The following NOL4 variants were observed in gnomAD, a reference collection of about 807,000 sequenced individuals.
NOL4 encodes cancer/testis antigen 125.
A neutral mutation model predicts 75.9 loss-of-function variants in NOL4; 17 were observed. The observed-to-expected ratio is 0.22, with a 90% confidence interval of 0.15 to 0.34. NOL4 has a LOEUF of 0.34. NOL4 is among the 10% of genes least tolerant of loss of function. The pLI is 1.00. For missense variants in NOL4, 614 were observed against 793.5 expected, an observed-to-expected ratio of 0.77 and a Z score of 2.72; for synonymous variants, 292 against 289.9, an observed-to-expected ratio of 1.01 and a Z score of -0.07.
At chr18:34,007,862 A>C (rs985324605) in intron 6 of NOL4, among the ~76,000 whole-genome samples, 1 of 151,892 alleles carries the variant, frequency 6.6e-6, no homozygotes, top group Non-Finnish European at 1.5e-5. Context: ...ATGGTTTAAG[A>C]AGTTGCATAT....
intron 6 of NOL4, among the ~76,000 whole-genome samples, chr18:34,015,858 A>G (rs2074660225): frequency 1.3e-5 from 2 of 152,258 alleles, no homozygotes; most frequent in South Asian, 4.1e-4. Flanking sequence ...TTAGGCAACA[A>G]AGCCAAAAAT....
intron 1 of NOL4, among the ~76,000 whole-genome samples, chr18:34,150,455 C>A (rs1316788186): frequency 1.3e-5 from 2 of 151,624 alleles, no homozygotes; most frequent in Non-Finnish European, 3.0e-5. Flanking sequence ...GTCAACTGAT[C>A]TTTGACAAAG....
At chr18:33,936,114 T>C (rs750596140) in intron 9 of NOL4, among the ~76,000 whole-genome samples, 25 of 152,142 alleles carry the variant, frequency 1.6e-4, no homozygotes, top group Non-Finnish European at 3.1e-4. Flanking sequence ...AAAAGCTGCC[T>C]CTCATAAACC....
At chr18:33,880,636 T>C (rs16965009) in intron 10 of NOL4, among the ~76,000 whole-genome samples, 2,167 of 152,086 alleles carry the variant, frequency 0.014, 51 homozygotes, top group African/African-American at 0.049. Context: ...TTCCATGTGT[T>C]GTTTCATTTT....
Position 33,943,179 on chromosome 18 carries a change from C to CT in NOL4, c.1429-2dup, listed in dbSNP as rs2068611100. 1.9e-6 allele frequency: 3 copies of CT among 1,570,966 alleles called. No individual in the cohort carries two copies. The highest frequency in any genetic ancestry group is 8.7e-7 in the Non-Finnish European group (1 of 1,152,868). ...TAAGGTGGGAAGGAATAGGTCGAGA[C>CT]TAAAAAAAAAAAGAGAAAAGTATGA... On this transcript the variant is annotated splice_acceptor_variant, in intron 8 of 10. Coordinates refer to ENST00000261592, the MANE Select transcript of NOL4 (RefSeq NM_003787.5). LOFTEE classifies it high-confidence loss of function.
chr18:34,093,673 G>A (rs1337562661), intron 4 of NOL4, 76 bp from the exon 5 acceptor site: 3 of 1,084,386 alleles, frequency 2.8e-6, no homozygotes, highest in Non-Finnish European at 3.8e-6. Flanking sequence ...TATCTACACA[G>A]TCAATTGAAG....
chr18:34,168,728 A>C (rs919444062), intron 1 of NOL4, among the ~76,000 whole-genome samples: 2 of 151,868 alleles, frequency 1.3e-5, no homozygotes, highest in Non-Finnish European at 2.9e-5. Context: ...ATTAGCAGAA[A>C]TATTAAGATG....
intron 2 of NOL4, among the ~76,000 whole-genome samples, chr18:34,124,605 G>T (rs78816176): frequency 0.034 from 5,213 of 152,028 alleles, 92 homozygotes; most frequent in Middle Eastern, 0.048. Flanking sequence ...GCCACATTAG[G>T]ACTCATATAA....
intron 6 of NOL4, among the ~76,000 whole-genome samples, chr18:34,003,040 G>C (rs975673389): frequency 6.6e-6 from 1 of 152,046 alleles, no homozygotes; most frequent in Non-Finnish European, 1.5e-5. Context: ...ATCATTCTCT[G>C]TGTCCTTGCA....
chr18:34,189,986 CAT>C (rs71379558), intron 1 of NOL4, among the ~76,000 whole-genome samples: 6 of 148,666 alleles, frequency 4.0e-5, no homozygotes, highest in Admixed American at 2.0e-4. Context: ...TAGATATATG[CAT>C]ATATATATAT....
chr18:33,957,579 T>C, intron 7 of NOL4, 62 bp from the exon 8 acceptor site: 1 of 1,305,744 alleles, frequency 7.7e-7, no homozygotes, highest in South Asian at 1.4e-5. Context: ...TGTTCCTAGC[T>C]TCCTGTCTTG....
intron 2 of NOL4, among the ~76,000 whole-genome samples, chr18:34,109,179 C>T (rs1412254151): frequency 6.6e-6 from 1 of 151,572 alleles, no homozygotes; most frequent in Non-Finnish European, 1.5e-5. Flanking sequence ...ACGGCAAAAG[C>T]AGTTCAAACA....
At chr18:34,167,665 C>T (rs2146236614) in intron 1 of NOL4, among the ~76,000 whole-genome samples, 1 of 151,828 alleles carries the variant, frequency 6.6e-6, no homozygotes, top group Non-Finnish European at 1.5e-5. Context: ...CTTCAAGGAC[C>T]CCAAAATTAA....
chr18:34,022,257 T>C (rs893894876), intron 5 of NOL4, among the ~76,000 whole-genome samples: 11 of 152,166 alleles, frequency 7.2e-5, no homozygotes, highest in African/African-American at 2.6e-4. Context: ...GTGAAAAATG[T>C]TAAAATATGT....
At chr18:34,156,729 C>T (rs1190566777) in intron 1 of NOL4, 1 of 152,556 alleles carries the variant, frequency 6.6e-6, no homozygotes, top group African/African-American at 2.4e-5. Context: ...ATCCTCTCCA[C>T]TTCCAAACTG....
rs977593715 is a variant in NOL4 at position 34,223,427 on chromosome 18, G to A, written c.-174C>T. 6.1e-6 allele frequency: 5 copies of A among 823,328 alleles called. No homozygotes were observed. Among genetic ancestry groups the A allele is most frequent in the South Asian group, 1.8e-5 (1 of 55,540 alleles). The allele number at this position is 823,328 out of a possible 1,614,324, so 51.0% of individuals were successfully genotyped here. On this transcript the variant is annotated 5_prime_UTR_variant, in exon 1 of 11. Coordinates refer to ENST00000261592, the MANE Select transcript of NOL4 (RefSeq NM_003787.5). ...GGAAGAGGGGAGGAGGGTCCGGTTG[G>A]GCACCAGCAATCAATGCCCCGTGCT...
chr18:34,094,457 G>A (rs895120544), intron 4 of NOL4, among the ~76,000 whole-genome samples: 21 of 152,210 alleles, frequency 1.4e-4, no homozygotes, highest in African/African-American at 4.8e-4. Context: ...CTAAAAGTCA[G>A]TTCATAAAAT....
At position 34,046,393 on chromosome 18, in the gene NOL4, T is replaced by A. The variant is rs969481148; in HGVS notation, c.773-26792A>T. Among the ~76,000 whole-genome samples the A allele has an allele frequency of 6.6e-5, 10 of 151,704 alleles. No individual in the cohort carries two copies. The South Asian group carries it at 2.1e-3, about 32-fold the overall frequency. Reference sequence around the variant, plus strand: ...AAACTTGCCTAAGATAGATTACAAATCCCTGCCAGTCTTCAGTTGACAGCC... The same window carrying A: ...AAACTTGCCTAAGATAGATTACAAAACCCTGCCAGTCTTCAGTTGACAGCC... On this transcript the variant is annotated intron_variant, in intron 5 of 10. Transcript: ENST00000261592.
intron 5 of NOL4, among the ~76,000 whole-genome samples, chr18:34,075,758 A>G (rs1465023361): frequency 1.3e-5 from 2 of 152,192 alleles, no homozygotes; most frequent in Admixed American, 1.3e-4. Context: ...AAGTTTTCAC[A>G]TGGATAACTG....
Sources: allele counts gnomAD v4.1 joint callset (sites outside exome capture counted in the v4.1 genomes callset), GRCh38; gene constraint gnomAD v4.1.1; transcripts MANE v1.5; gene names NCBI Gene and HGNC (gene_info 2026-07-23, HGNC 2026-07-21).